Variants in ZNF536 observed in about 807,000 individuals in gnomAD.
ZNF536 encodes the protein zinc finger protein 536.
Under a neutral mutation model 84.5 loss-of-function variants are expected in ZNF536, and 13 were observed. The ratio of observed to expected loss-of-function variants is 0.15; its 90% CI spans 0.10 to 0.24. ZNF536 has a LOEUF of 0.24. Among genes scored for constraint, ZNF536 ranks in the 10% least tolerant of loss-of-function variants. The pLI, the probability that ZNF536 is intolerant of heterozygous loss-of-function variation, is 1.00. For missense variants in ZNF536, 1,536 were observed against 1,747.5 expected (o/e 0.88, Z 2.16); for synonymous variants, 811 against 742.5 (o/e 1.09, Z -1.50).
At chr19:30,515,727 C>T (rs2055610403) in intron 2 of ZNF536, among the ~76,000 whole-genome samples, 1 of 151,988 alleles carries the variant, frequency 6.6e-6, no homozygotes, top group Admixed American at 6.6e-5. Context: ...TAAGAATGCC[C>T]ATTGCTCTAG....
At chr19:30,656,040 T>TAA (rs376938985) in intron 1 of ZNF536, among the ~76,000 whole-genome samples, 10 of 145,638 alleles carry the variant, frequency 6.9e-5, no homozygotes, top group African/African-American at 1.5e-4. Context: ...CCGTGTTTCA[T>TAA]AAAAAAAAAA....
At chr19:30,707,226 T>TA (rs2052278904) in intron 1 of ZNF536, among the ~76,000 whole-genome samples, 1 of 152,156 alleles carries the variant, frequency 6.6e-6, no homozygotes, top group Non-Finnish European at 1.5e-5. Context: ...ACCATTAAGG[T>TA]ACGGAGAATG....
chr19:30,391,592 A>G (rs919327802), intron 1 of ZNF536, among the ~76,000 whole-genome samples: 18 of 152,176 alleles, frequency 1.2e-4, no homozygotes, highest in Non-Finnish European at 1.6e-4. Flanking sequence ...ACAAACAAAC[A>G]AACAATCAAA....
intron 2 of ZNF536, among the ~76,000 whole-genome samples, chr19:30,513,715 C>T (rs1008733521): frequency 1.3e-5 from 2 of 151,908 alleles, no homozygotes; most frequent in African/African-American, 4.8e-5. Context: ...GAGGATTTAC[C>T]CCAAATGTGG....
intron 2 of ZNF536, among the ~76,000 whole-genome samples, chr19:30,352,083 T>C (rs983179762): frequency 1.3e-5 from 2 of 152,168 alleles, no homozygotes; most frequent in African/African-American, 2.4e-5. Flanking sequence ...GAAAATAAAG[T>C]GGAGGTTGTC....
intron 2 of ZNF536, among the ~76,000 whole-genome samples, chr19:30,511,944 A>G (rs1418914379): frequency 1.3e-5 from 2 of 152,226 alleles, no homozygotes; most frequent in Non-Finnish European, 2.9e-5. Context: ...GAAATTAGAA[A>G]TGAGGCAGAG....
At chr19:30,327,366 C>T (rs1262030237) in intron 2 of ZNF536, among the ~76,000 whole-genome samples, 5 of 152,154 alleles carry the variant, frequency 3.3e-5, no homozygotes, top group East Asian at 1.9e-4. Flanking sequence ...CATCCCATCC[C>T]GGACTTCCTC....
At chr19:30,684,457 T>C (rs1162927513) in intron 1 of ZNF536, among the ~76,000 whole-genome samples, 2 of 152,186 alleles carry the variant, frequency 1.3e-5, no homozygotes, top group Admixed American at 6.5e-5. Flanking sequence ...TCTTAATGCA[T>C]AAACTGCTTC....
At chr19:30,260,252 G>A (rs944713687) in intron 1 of ZNF536, among the ~76,000 whole-genome samples, 6 of 152,210 alleles carry the variant, frequency 3.9e-5, no homozygotes, top group African/African-American at 1.4e-4. Context: ...TAAAGTGTCT[G>A]TTCTTTGACT....
chr19:30,367,574 C>G (rs1294320933), upstream of ZNF536, among the ~76,000 whole-genome samples: 4 of 152,172 alleles, frequency 2.6e-5, no homozygotes, highest in Admixed American at 2.0e-4. Context: ...CTGGAGCGAT[C>G]CCTTTGGCTT....
chr19:30,232,430 C>CT (rs11408921), intron 1 of ZNF536, among the ~76,000 whole-genome samples: 122,349 of 151,704 alleles, frequency 0.81, 49,596 homozygotes, highest in African/African-American at 0.88. Context: ...CCTTCTGCCC[C>CT]GCCTTTCTCC....
chr19:30,702,923 C>A (rs1192681987), intron 1 of ZNF536, among the ~76,000 whole-genome samples: 1 of 152,224 alleles, frequency 6.6e-6, no homozygotes, highest in Non-Finnish European at 1.5e-5. Flanking sequence ...TCAGTCCTTG[C>A]CCCCGTGGAG....
chr19:30,613,306 C>A (rs1053181145), intron 1 of ZNF536, among the ~76,000 whole-genome samples: 1 of 152,190 alleles, frequency 6.6e-6, no homozygotes, highest in African/African-American at 2.4e-5. Context: ...TCTTTTCATA[C>A]TTCTGCTCAC....
At chr19:30,493,253 C>T (rs2054583761) in intron 2 of ZNF536, among the ~76,000 whole-genome samples, 1 of 151,908 alleles carries the variant, frequency 6.6e-6, no homozygotes, top group Non-Finnish European at 1.5e-5. Flanking sequence ...GCCCAGTCAC[C>T]AGCCATATTT....
At chr19:30,515,511 G>A (rs1408535056) in intron 2 of ZNF536, among the ~76,000 whole-genome samples, 2 of 152,128 alleles carry the variant, frequency 1.3e-5, no homozygotes, top group African/African-American at 4.8e-5. Context: ...CTCATGGGAA[G>A]TGTCCCGTGC....
At chr19:30,305,934 G>T (rs1030316329) in intron 2 of ZNF536, among the ~76,000 whole-genome samples, 1 of 152,234 alleles carries the variant, frequency 6.6e-6, no homozygotes, top group Admixed American at 6.5e-5. Context: ...TCCTCCCGAC[G>T]TATTTAGTGA....
chr19:30,333,320 G>A (rs1035252003), intron 2 of ZNF536, among the ~76,000 whole-genome samples: 7 of 152,162 alleles, frequency 4.6e-5, no homozygotes, highest in Non-Finnish European at 1.5e-5. Context: ...ACACAGAGAC[G>A]TCCGGGAGTT....
chr19:30,404,738 G>A (rs1378205269), intron 1 of ZNF536, among the ~76,000 whole-genome samples: 3 of 152,016 alleles, frequency 2.0e-5, no homozygotes, highest in African/African-American at 7.2e-5. Flanking sequence ...CGGAGGCGGG[G>A]GGGCTCCTCA....
chr19:30,681,321 G>T (rs2050963011), intron 1 of ZNF536, among the ~76,000 whole-genome samples: 1 of 152,194 alleles, frequency 6.6e-6, no homozygotes, highest in Non-Finnish European at 1.5e-5. Context: ...GTGCTGAGGA[G>T]GTGTGCTAAG....
Sources: allele counts gnomAD v4.1 joint callset (sites outside exome capture counted in the v4.1 genomes callset), GRCh38; gene constraint gnomAD v4.1.1; transcripts MANE v1.5; gene names NCBI Gene and HGNC (gene_info 2026-07-23, HGNC 2026-07-21).